Variants in CLCC1 observed in about 807,000 individuals in gnomAD.
CLCC1 encodes chloride channel CLIC like 1.
A neutral mutation model predicts 63.3 loss-of-function variants in CLCC1; 39 were observed. The observed-to-expected ratio is 0.62, with a 90% confidence interval of 0.48 to 0.81. The LOEUF is 0.81. Ranked by LOEUF, CLCC1 falls within the 30% of genes least tolerant of loss-of-function variation. The probability of loss-of-function intolerance (pLI) is 0.00; values close to 1 mark genes in which losing one functional copy is unlikely to be tolerated. For missense variants in CLCC1, 549 were observed against 669.4 expected (o/e 0.82, Z 1.98); for synonymous variants, 217 against 239.8 (o/e 0.90, Z 0.88).
At chr1:108,952,011 C>T (rs1399578147) in intron 2 of CLCC1, among the ~76,000 whole-genome samples, 1 of 152,132 alleles carries the variant, frequency 6.6e-6, no homozygotes, top group Non-Finnish European at 1.5e-5. Flanking sequence ...CTCCTAGGCT[C>T]AAGCTATCCT....
At position 108,937,248 on chromosome 1, in the gene CLCC1, C is replaced by T. The variant is rs111447204; in HGVS notation, c.1212G>A (p.Met404Ile). The T allele has an allele frequency of 5.3e-5, 86 of 1,614,162 alleles. 2 individuals are homozygous for T. The African/African-American group carries it at 6.4e-4, about 12-fold the overall frequency. The change falls in exon 11 of 13, where the codon ATG becomes ATA. Residue 404 changes from methionine (M) to isoleucine (I), a missense_variant. By Grantham distance (10) the Met-to-Ile change is conservative. Coordinates refer to ENST00000369969, the MANE Select transcript of CLCC1 (RefSeq NM_001377458.1). ...GDADFHYRGQ[M>I]GPTEQGPYAK... ...CATAAGGGCCTTGCTCAGTGGGGCC[C>T]ATTTGGCCCCTATAATGGAAATCGG...
At chr1:108,941,582 GTGTCTTTACCA>G (rs1332162659) in intron 7 of CLCC1, 84 bp from the exon 8 acceptor site, 1 of 878,286 alleles carries the variant, frequency 1.1e-6, no homozygotes, top group Non-Finnish European at 1.8e-6. Flanking sequence ...CATTCAAAGA[GTGTCTTTACCA>G]TTCATCCAAA....
intron 4 of CLCC1, among the ~76,000 whole-genome samples, chr1:108,949,303 T>C (rs546827420): frequency 6.6e-6 from 1 of 152,340 alleles, no homozygotes; most frequent in Admixed American, 6.5e-5. Context: ...ACATAACGAC[T>C]ACATTCACAT....
chr1:108,938,303 A>G (rs1201590317), intron 10 of CLCC1, among the ~76,000 whole-genome samples: 1 of 152,192 alleles, frequency 6.6e-6, no homozygotes, highest in Admixed American at 6.5e-5. Context: ...AAAGAGCATA[A>G]CTTTCCTGAG....
chr1:108,940,282 C>A, intron 8 of CLCC1, 140 bp from the exon 9 acceptor site: 1 of 448,916 alleles, frequency 2.2e-6, no homozygotes, highest in Non-Finnish European at 4.0e-6. Context: ...AAGTAGACTC[C>A]CTGTAATGCT....
rs1029906879 is a variant in CLCC1 at position 108,954,022 on chromosome 1, A to AC, written c.-11-3575_-11-3574insG. On this transcript the variant is annotated intron_variant, in intron 2 of 12. Transcript: ENST00000369969. ...TGAAACTCCGTCTCAAAAAAAAAAAAAAAAAACACATCCGACTGGAGAAAC... is the reference window on the plus strand; with the variant it reads ...TGAAACTCCGTCTCAAAAAAAAAAAACAAAAAACACATCCGACTGGAGAAAC... Among the ~76,000 whole-genome samples the AC allele has an allele frequency of 2.0e-5, 3 of 150,412 alleles. 1 individual carries two copies. Among genetic ancestry groups the AC allele is most frequent in the African/African-American group, 7.5e-5 (3 of 39,976 alleles).
chr1:108,943,438 T>C (rs1654110204), intron 7 of CLCC1, 37 bp downstream of exon 7: 3 of 1,587,734 alleles, frequency 1.9e-6, no homozygotes, highest in Non-Finnish European at 2.6e-6. Context: ...TGTGAATAAA[T>C]GTGTTAAAAT....
intron 3 of CLCC1, 95 bp downstream of exon 3, chr1:108,950,214 T>C (rs1655013760): frequency 3.6e-5 from 44 of 1,220,966 alleles, no homozygotes; most frequent in Non-Finnish European, 4.9e-5. Flanking sequence ...CATGGATCCA[T>C]GACCCTCATA....
At chr1:108,943,134 T>G (rs1654065100) in intron 7 of CLCC1, among the ~76,000 whole-genome samples, 1 of 152,186 alleles carries the variant, frequency 6.6e-6, no homozygotes, top group Admixed American at 6.5e-5. Flanking sequence ...AGTCTTGACC[T>G]CCTGACCAAG....
At position 108,940,059 on chromosome 1, in the gene CLCC1, C is replaced by A. The variant is rs1327073272; in HGVS notation, c.880G>T (p.Val294Phe). 6.2e-7 allele frequency: 1 copy of A among 1,611,996 alleles called. No individual in the cohort carries two copies. The highest frequency in any genetic ancestry group is 8.5e-7 in the Non-Finnish European group (1 of 1,178,716). Residue 294 changes from valine (V) to phenylalanine (F), a missense_variant, in exon 9 of 13, where the codon GTC becomes TTC. Physicochemically the swap from Val to Phe is conservative, Grantham distance 50 (BLOSUM62 -1). Coordinates refer to ENST00000369969, the MANE Select transcript of CLCC1 (RefSeq NM_001377458.1). The stretch of plus-strand genomic sequence containing the variant: ...ATATGCTATACCTTTGTTGGTGGGA[C>A]CAACCAAATAGGGTTGACTAGTAAG... Reference protein sequence around the residue: ...ELLLVNPIWLVPPTKALAVTF... With the variant: ...ELLLVNPIWLFPPTKALAVTF...
At chr1:108,961,293 A>AAAC (rs1553223528) in intron 2 of CLCC1, among the ~76,000 whole-genome samples, 8 of 151,652 alleles carry the variant, frequency 5.3e-5, no homozygotes, top group Admixed American at 3.9e-4. Flanking sequence ...TTAAAAAAAA[A>AAAC]AAAAAACGAT....
At chr1:108,937,613 AACTT>A (rs1350576961) in intron 10 of CLCC1, among the ~76,000 whole-genome samples, 195 bp from the exon 11 acceptor site, 1 of 152,228 alleles carries the variant, frequency 6.6e-6, no homozygotes, top group Admixed American at 6.5e-5. Context: ...TGGCCAATAA[AACTT>A]AATAAATCTT....
At position 108,939,746 on chromosome 1, in the gene CLCC1, G is replaced by T. The variant is rs1169103752; in HGVS notation, c.931C>A (p.Pro311Thr). Residue 311 changes from proline to threonine, a missense_variant, in exon 10 of 13, where the codon CCA becomes ACA. Coordinates refer to ENST00000369969, the MANE Select transcript of CLCC1 (RefSeq NM_001377458.1). ...AVTFTTFVTE[P>T]LKHIGKGTGE... is the part of the protein sequence containing the mutation. ...GTTCCTTTTCCAATATGCTTCAATG[G>T]CTCCGTTACAAATGTGGTGAATGTA... 6.2e-7 allele frequency: 1 copy of T among 1,613,776 alleles called. No homozygotes were observed. Among genetic ancestry groups the T allele is most frequent in the Non-Finnish European group, 8.5e-7 (1 of 1,179,970 alleles).
At chr1:108,941,615 TA>T (rs1007536837) in intron 7 of CLCC1, 117 bp from the exon 8 acceptor site, 1 of 518,396 alleles carries the variant, frequency 1.9e-6, no homozygotes, top group African/African-American at 2.0e-5. Context: ...CAGACTGTTA[TA>T]AATTTTTAAT....
intron 8 of CLCC1, among the ~76,000 whole-genome samples, chr1:108,940,708 G>A (rs1011773419): frequency 3.9e-5 from 6 of 152,130 alleles, no homozygotes; most frequent in Non-Finnish European, 7.4e-5. Context: ...GCTTATATAC[G>A]TTGGGAAACT....
At chr1:108,949,705 T>G in intron 4 of CLCC1, 115 bp downstream of exon 4, 1 of 556,740 alleles carries the variant, frequency 1.8e-6, no homozygotes, top group East Asian at 3.4e-5. Flanking sequence ...ATTTGACATA[T>G]AAAAATCATA....
At chr1:108,956,800 C>A (rs1655943886) in intron 2 of CLCC1, among the ~76,000 whole-genome samples, 1 of 139,272 alleles carries the variant, frequency 7.2e-6, no homozygotes, top group South Asian at 2.3e-4. Flanking sequence ...AGTATAGAAG[C>A]CCTGAGTGGA....
chr1:108,952,676 T>G (rs1350524086), intron 2 of CLCC1, among the ~76,000 whole-genome samples: 1 of 151,902 alleles, frequency 6.6e-6, no homozygotes, highest in African/African-American at 2.4e-5. Flanking sequence ...GGTGTGTGCC[T>G]GTAATCCCAG....
At chr1:108,945,116 T>A (rs1416066268) in intron 5 of CLCC1, among the ~76,000 whole-genome samples, 1 of 152,230 alleles carries the variant, frequency 6.6e-6, no homozygotes, top group East Asian at 1.9e-4. Flanking sequence ...TTATTTAAAA[T>A]ACATATTGTT....
Sources: allele counts gnomAD v4.1 joint callset (sites outside exome capture counted in the v4.1 genomes callset), GRCh38; gene constraint gnomAD v4.1.1; transcripts MANE v1.5; gene names NCBI Gene and HGNC (gene_info 2026-07-23, HGNC 2026-07-21).